NMS: variants seen among roughly 807,000 people sequenced by gnomAD.
NMS encodes the protein neuromedin S.
Under a neutral mutation model 32.2 loss-of-function variants are expected in NMS, and 30 were observed. The ratio of observed to expected loss-of-function variants is 0.93; its 90% CI spans 0.70 to 1.26. The LOEUF is 1.26. NMS is among the 50% of genes most tolerant of loss of function. NMS has a pLI of 0.00. For synonymous variants in NMS, 76 were observed against 58.5 expected (o/e 1.30, Z -1.37); for missense variants, 190 against 186.3 (o/e 1.02, Z -0.12).
At chr2:100,479,175 C>T (rs1369370490) in intron 5 of NMS, among the ~76,000 whole-genome samples, 178 bp from the exon 6 acceptor site, 1 of 152,166 alleles carries the variant, frequency 6.6e-6, no homozygotes, top group East Asian at 1.9e-4. Flanking sequence ...TCACGGCAAG[C>T]GGCTCTTTAT....
At chr2:100,470,591 C>G in intron 1 of NMS, 27 bp downstream of exon 1, 1 of 1,565,736 alleles carries the variant, frequency 6.4e-7, no homozygotes, top group South Asian at 1.1e-5. Flanking sequence ...CAGACTCCAT[C>G]TGGCCTAAAC....
At chr2:100,475,207 T>C (rs1677086435) in intron 3 of NMS, among the ~76,000 whole-genome samples, 1 of 152,188 alleles carries the variant, frequency 6.6e-6, no homozygotes, top group African/African-American at 2.4e-5. Context: ...AAGGCATTAA[T>C]AGAGAAACTG....
At chr2:100,481,239 C>CA in intron 8 of NMS, 72 bp downstream of exon 8, 1 of 1,409,126 alleles carries the variant, frequency 7.1e-7, no homozygotes, top group Admixed American at 1.7e-5. Flanking sequence ...GGAGTGACTG[C>CA]AAACAGCAGA....
At chr2:100,476,254 A>G (rs915830818) in intron 3 of NMS, among the ~76,000 whole-genome samples, 1 of 152,150 alleles carries the variant, frequency 6.6e-6, no homozygotes, top group African/African-American at 2.4e-5. Context: ...TAAAAATAGC[A>G]AGTACTTTCT....
At chr2:100,479,305 T>C in intron 5 of NMS, 48 bp from the exon 6 acceptor site, 1 of 1,422,896 alleles carries the variant, frequency 7.0e-7, no homozygotes, top group Non-Finnish European at 9.7e-7. Flanking sequence ...AAAATACCCC[T>C]CTGTGGATGT....
At chr2:100,470,705 T>A (rs1676992398) in intron 1 of NMS, 141 bp downstream of exon 1, 2 of 739,276 alleles carry the variant, frequency 2.7e-6, no homozygotes, top group Admixed American at 4.0e-5. Context: ...CTGCAATTTG[T>A]TGGAACCTTT....
intron 3 of NMS, among the ~76,000 whole-genome samples, chr2:100,476,199 A>G (rs1401529907): frequency 6.6e-6 from 1 of 152,202 alleles, no homozygotes; most frequent in Non-Finnish European, 1.5e-5. Flanking sequence ...ATAAACACAC[A>G]CACACACTGT....
intron 3 of NMS, among the ~76,000 whole-genome samples, chr2:100,476,419 G>A (rs751219820): frequency 1.8e-4 from 27 of 152,132 alleles, no homozygotes; most frequent in Middle Eastern, 3.2e-3. Flanking sequence ...GGATGCATAG[G>A]TATTGCTCTC....
At chr2:100,481,996 G>A (rs909462838) in intron 8 of NMS, among the ~76,000 whole-genome samples, 1 of 152,196 alleles carries the variant, frequency 6.6e-6, no homozygotes, top group African/African-American at 2.4e-5. Context: ...TGGATGGTTT[G>A]TGGAACCTCC....
intron 5 of NMS, among the ~76,000 whole-genome samples, chr2:100,478,832 T>C (rs543458006): frequency 6.6e-6 from 1 of 152,174 alleles, no homozygotes; most frequent in Non-Finnish European, 1.5e-5. Context: ...ACAAAAAAAC[T>C]GTAACACAAA....
At chr2:100,476,577 G>T (rs1185273996) in intron 3 of NMS, among the ~76,000 whole-genome samples, 1 of 152,198 alleles carries the variant, frequency 6.6e-6, no homozygotes, top group East Asian at 1.9e-4. Context: ...AGATGTGAAT[G>T]ATCAGTACGA....
chr2:100,478,424 A>G (rs891564818), intron 5 of NMS, among the ~76,000 whole-genome samples: 1 of 152,208 alleles, frequency 6.6e-6, no homozygotes, highest in Non-Finnish European at 1.5e-5. Context: ...TCAGTATTAT[A>G]GATGTAGGAA....
intron 3 of NMS, among the ~76,000 whole-genome samples, chr2:100,476,058 T>C (rs559008268): frequency 4.6e-5 from 7 of 150,982 alleles, no homozygotes; most frequent in Admixed American, 2.6e-4. Context: ...ATATGAAACG[T>C]TGAGCCGGGT....
chr2:100,483,276 A>G lies in NMS; in HGVS notation c.*12A>G. On this transcript the variant is annotated 3_prime_UTR_variant, in exon 10 of 10. Transcript: ENST00000376865. ...GGATTCAGTGGTGAAAGAAAGCTGG[A>G]TCTGATGAGGCCTTCCAGGGATTAT... 6.2e-7 allele frequency: 1 copy of G among 1,607,052 alleles called. No homozygotes were observed. The highest frequency in any genetic ancestry group is 8.5e-7 in the Non-Finnish European group (1 of 1,173,998).
chr2:100,472,576 T>C (rs6709665), intron 1 of NMS, among the ~76,000 whole-genome samples: 4,771 of 152,324 alleles, frequency 0.031, 121 homozygotes, highest in East Asian at 0.07. Flanking sequence ...TTAATCTTTG[T>C]ATAAATCTCA....
At chr2:100,473,342 A>G in intron 2 of NMS, 147 bp from the exon 3 acceptor site, 1 of 347,878 alleles carries the variant, frequency 2.9e-6, no homozygotes, top group East Asian at 4.8e-5. Context: ...TATCCCATAG[A>G]TTATGGTTTA....
chr2:100,483,261 G>A lies in NMS; in HGVS notation c.459G>A (p.Trp153Ter), dbSNP rs754133978. Reference protein sequence around the residue: ...RNIEDEAQIQW With the variant: ...RNIEDEAQIQ ...TCTTTTCTTTTTTTAGGATTCAGTG[G>A]TGAAAGAAAGCTGGATCTGATGAGG... The change falls in exon 10 of 10, where the codon TGG becomes TGA. Residue 153 changes from tryptophan (W) to a stop codon, truncating the protein, a stop_gained. Coordinates refer to ENST00000376865, the MANE Select transcript of NMS (RefSeq NM_001011717.1). LOFTEE classifies it high-confidence loss of function. 1.2e-6 allele frequency: 2 copies of A among 1,611,920 alleles called. No individual in the cohort carries two copies.
chr2:100,483,154 A>G, intron 9 of NMS, 98 bp from the exon 10 acceptor site: 1 of 1,062,604 alleles, frequency 9.4e-7, no homozygotes, highest in Non-Finnish European at 1.4e-6. Context: ...ACTGAGGTCT[A>G]ATTGTAAAAT....
intron 3 of NMS, among the ~76,000 whole-genome samples, chr2:100,477,042 G>A (rs114303521): frequency 3.3e-5 from 5 of 152,242 alleles, no homozygotes; most frequent in Non-Finnish European, 7.4e-5. Context: ...ATGATGTATT[G>A]CTGGCAATTT....
Sources: allele counts gnomAD v4.1 joint callset (sites outside exome capture counted in the v4.1 genomes callset), GRCh38; gene constraint gnomAD v4.1.1; transcripts MANE v1.5; gene names NCBI Gene and HGNC (gene_info 2026-07-23, HGNC 2026-07-21).